Variants in ANKS1B observed in about 807,000 individuals in gnomAD.
The protein encoded by ANKS1B is ankyrin repeat and sterile alpha motif domain-containing protein 1B.
ANKS1B carries 36 observed loss-of-function variants against 148.3 expected under a neutral mutation model. The observed-to-expected ratio is 0.24, with a 90% CI of 0.19 to 0.32. ANKS1B has a LOEUF of 0.32. ANKS1B is among the 10% of genes least tolerant of loss of function. ANKS1B has a pLI of 1.00. For missense variants in ANKS1B, 1,157 were observed against 1,542.6 expected, an observed-to-expected ratio of 0.75 and a Z score of 4.19; for synonymous variants, 542 against 560.8, an observed-to-expected ratio of 0.97 and a Z score of 0.47.
At chr12:99,416,933 C>T (rs2152697113) in intron 11 of ANKS1B, among the ~76,000 whole-genome samples, 1 of 152,194 alleles carries the variant, frequency 6.6e-6, no homozygotes, top group African/African-American at 2.4e-5. Flanking sequence ...GGAGACAGTG[C>T]AAAGGGAGAA....
At chr12:99,817,078 T>C (rs2069282666) in intron 2 of ANKS1B, among the ~76,000 whole-genome samples, 1 of 151,676 alleles carries the variant, frequency 6.6e-6, no homozygotes, top group Non-Finnish European at 1.5e-5. Context: ...ACAATATTGG[T>C]AACTTTAGTC....
intron 11 of ANKS1B, among the ~76,000 whole-genome samples, chr12:99,415,730 C>T (rs997679627): frequency 6.6e-6 from 1 of 152,096 alleles, no homozygotes; most frequent in African/African-American, 2.4e-5. Flanking sequence ...GCCGCCCAGG[C>T]TGGAGTGTAG....
chr12:99,695,673 G>A (rs1405027608), intron 8 of ANKS1B, among the ~76,000 whole-genome samples: 1 of 152,034 alleles, frequency 6.6e-6, no homozygotes, highest in African/African-American at 2.4e-5. Flanking sequence ...AATAGGAGCT[G>A]AACAATGAGA....
chr12:99,151,855 C>T lies in ANKS1B; in HGVS notation c.2526+2434G>A, dbSNP rs188470988. On this transcript the variant is annotated intron_variant, in intron 15 of 26. Transcript: ENST00000683438. ...GGATGCACTATGATGTTTCAACCAA[C>T]ATTAATTATACCCTTTTGATTTCTA... Among the ~76,000 whole-genome samples the T allele has an allele frequency of 2.6e-5, 4 of 152,262 alleles. No homozygotes were observed. The East Asian group carries it at 7.7e-4, about 29-fold the overall frequency.
At chr12:99,821,947 C>A (rs1206280180) in intron 2 of ANKS1B, among the ~76,000 whole-genome samples, 1 of 151,734 alleles carries the variant, frequency 6.6e-6, no homozygotes, top group Non-Finnish European at 1.5e-5. Flanking sequence ...GAAGATATGG[C>A]AAAATATTTC....
chr12:99,453,255 A>G (rs1595067655), intron 10 of ANKS1B, among the ~76,000 whole-genome samples: 1 of 152,058 alleles, frequency 6.6e-6, no homozygotes, highest in Non-Finnish European at 1.5e-5. Flanking sequence ...GCACCACTGC[A>G]CTCCAGCCTG....
chr12:99,852,302 C>T (rs180955314), intron 1 of ANKS1B, among the ~76,000 whole-genome samples: 76 of 138,662 alleles, frequency 5.5e-4, no homozygotes, highest in Admixed American at 9.3e-4. Context: ...GCTCTGATGC[C>T]CTATTTTATT....
At chr12:98,815,418 T>C in intron 19 of ANKS1B, among the ~76,000 whole-genome samples, 1 of 152,204 alleles carries the variant, frequency 6.6e-6, no homozygotes, top group East Asian at 1.9e-4. Flanking sequence ...TATCTGAGCA[T>C]CCCTGGAGTG....
intron 10 of ANKS1B, among the ~76,000 whole-genome samples, chr12:99,465,180 TC>T (rs1302090479): frequency 1.3e-5 from 2 of 152,164 alleles, no homozygotes; most frequent in Non-Finnish European, 2.9e-5. Flanking sequence ...GAATTTCATA[TC>T]CAGCCAAACT....
At chr12:99,960,538 T>C (rs1210522515) in intron 1 of ANKS1B, among the ~76,000 whole-genome samples, 1 of 151,954 alleles carries the variant, frequency 6.6e-6, no homozygotes, top group African/African-American at 2.4e-5. Flanking sequence ...AGCTGAACTA[T>C]AAAGGAAGGA....
chr12:99,146,526 C>T (rs749855542), intron 15 of ANKS1B, among the ~76,000 whole-genome samples: 2 of 152,126 alleles, frequency 1.3e-5, no homozygotes, highest in Non-Finnish European at 2.9e-5. Flanking sequence ...GTTCCTGTGC[C>T]TGTGCAATTC....
rs1425748710 is a variant in ANKS1B at position 99,465,851 on chromosome 12, A to G, written c.1439-22042T>C. On this transcript the variant is annotated intron_variant, in intron 10 of 26. Transcript: ENST00000683438. ...TCCCACACAATAATAATGGGAGACT[A>G]TAACACCCCACTGTCAACATTAGAC... is the stretch of plus-strand genomic sequence containing the variant. Among the ~76,000 whole-genome samples, 4 of 152,122 alleles carry G rather than the reference A, an allele frequency of 2.6e-5. No individual in the cohort carries two copies. In the South Asian group the frequency reaches 6.2e-4, roughly 24 times the overall value.
Position 99,121,902 on chromosome 12 carries a change from T to C in ANKS1B, c.2526+32387A>G, listed in dbSNP as rs148210656. Reference sequence around the variant, plus strand: ...GTGTTGGGGACAATGTCTTTGACCTTGGAGTTCTTAAAACCATCCTCAGAC... The same window carrying C: ...GTGTTGGGGACAATGTCTTTGACCTCGGAGTTCTTAAAACCATCCTCAGAC... On this transcript the variant is annotated intron_variant, in intron 15 of 26. Transcript: ENST00000683438. Among the ~76,000 whole-genome samples, 1,345 of 152,350 alleles carry C rather than the reference T, an allele frequency of 8.8e-3. 8 individuals are homozygous for C. Among genetic ancestry groups the C allele is most frequent in the East Asian group, 0.022 (115 of 5,186 alleles).
intron 9 of ANKS1B, among the ~76,000 whole-genome samples, chr12:99,506,879 G>C (rs1418712825): frequency 1.3e-5 from 2 of 151,994 alleles, no homozygotes; most frequent in Admixed American, 1.3e-4. Flanking sequence ...AGAATTATCT[G>C]CTGATAAAAT....
rs35515489 is a variant in ANKS1B at position 99,060,653 on chromosome 12, TCACACACACACACACACA to T, written c.2626-7362_2626-7345del. Among the ~76,000 whole-genome samples the T allele has an allele frequency of 1.9e-4, 24 of 126,098 alleles. 1 individual carries two copies. The highest frequency in any genetic ancestry group is 8.4e-4 in the South Asian group (3 of 3,562). 82.7% of individuals were successfully genotyped at this position (126,098 alleles called of 152,430 possible). ...ATACACACATATACATATATACACATCACACACACACACACACACACACACACACACACACACACACAC... is the reference window on the plus strand; with the variant it reads ...ATACACACATATACATATATACACATCACACACACACACACACACACACAC... On this transcript the variant is annotated intron_variant, in intron 16 of 26. Coordinates refer to ENST00000683438, the MANE Select transcript of ANKS1B (RefSeq NM_001352186.2).
intron 10 of ANKS1B, among the ~76,000 whole-genome samples, chr12:99,490,130 G>C (rs1274662107): frequency 1.3e-5 from 2 of 152,142 alleles, no homozygotes; most frequent in East Asian, 1.9e-4. Context: ...TTGTCTTTGT[G>C]TCTTACACAC....
At chr12:99,820,098 C>CT (rs35582949) in intron 2 of ANKS1B, among the ~76,000 whole-genome samples, 94,668 of 151,510 alleles carry the variant, frequency 0.62, 29,864 homozygotes, top group African/African-American at 0.7. Context: ...ATAATACTTG[C>CT]AGTAAATTTT....
intron 9 of ANKS1B, chr12:99,648,546 G>T (rs1345432821): frequency 1.2e-6 from 2 of 1,614,154 alleles, no homozygotes; most frequent in South Asian, 1.1e-5. Context: ...TTCCCTTGAT[G>T]TTTGTGAAAA....
rs183664641 is a variant in ANKS1B at position 99,256,356 on chromosome 12, C to T, written c.1757-9492G>A. ...CTTTAGAGCATTTTACATTCAATTA[C>T]TTCTTCTATAATAAATATTGTTGTC... On this transcript the variant is annotated intron_variant, in intron 12 of 26. Transcript: ENST00000683438. Among the ~76,000 whole-genome samples, 627 of 151,944 alleles carry T rather than the reference C, an allele frequency of 4.1e-3. 3 individuals are homozygous for T. The highest frequency in any genetic ancestry group is 6.5e-3 in the Non-Finnish European group (441 of 67,978).
Sources: gnomAD v4.1 joint callset for allele counts (sites outside exome capture counted in the v4.1 genomes callset) on GRCh38, gnomAD v4.1.1 for gene constraint, MANE v1.5 for transcripts, NCBI Gene and HGNC (gene_info 2026-07-23, HGNC 2026-07-21) for gene names.